The following B3GALT1 variants were observed in gnomAD, a reference collection of about 807,000 sequenced individuals.
B3GALT1 encodes the protein beta-1,3-galactosyltransferase 1.
In B3GALT1, 10 loss-of-function variants were observed where a neutral mutation model predicts 23.2. The ratio of observed to expected loss-of-function variants is 0.43; its 90% confidence interval spans 0.27 to 0.73. The LOEUF is 0.73. B3GALT1 is among the 30% of genes least tolerant of loss of function. The probability of loss-of-function intolerance (pLI) is 0.21; values close to 1 mark genes in which losing one functional copy is unlikely to be tolerated. For synonymous variants in B3GALT1, 156 were observed against 141.5 expected (o/e 1.10, Z -0.73); for missense variants, 299 against 405.4 (o/e 0.74, Z 2.25).
intron 3 of B3GALT1, among the ~76,000 whole-genome samples, chr2:167,816,271 C>G (rs1324992090): frequency 1.3e-5 from 2 of 152,170 alleles, no homozygotes; most frequent in Non-Finnish European, 2.9e-5. Flanking sequence ...AAAGGACACC[C>G]TCCTTTCCTG....
At chr2:167,696,476 A>G (rs1686794055) in intron 3 of B3GALT1, among the ~76,000 whole-genome samples, 1 of 152,058 alleles carries the variant, frequency 6.6e-6, no homozygotes, top group Admixed American at 6.6e-5. Flanking sequence ...ACCCTCAAGG[A>G]ATGCCTTGTC....
At chr2:167,463,849 T>C (rs527822614) in intron 1 of B3GALT1, among the ~76,000 whole-genome samples, 18 of 152,286 alleles carry the variant, frequency 1.2e-4, no homozygotes, top group African/African-American at 4.1e-4. Context: ...GTATGGTAAT[T>C]CATTGAAATT....
chr2:167,603,634 A>G (rs1019850847), intron 2 of B3GALT1, among the ~76,000 whole-genome samples: 3 of 152,244 alleles, frequency 2.0e-5, no homozygotes, highest in Non-Finnish European at 4.4e-5. Flanking sequence ...ACTAATTGTT[A>G]GAACTGCTTC....
intron 2 of B3GALT1, among the ~76,000 whole-genome samples, chr2:167,588,950 C>CT (rs1443875863): frequency 7.3e-5 from 10 of 137,926 alleles, no homozygotes; most frequent in South Asian, 2.3e-4. Context: ...TTCTTCCCTC[C>CT]TTGTTTTTTA....
chr2:167,648,245 A>G (rs915779084), intron 3 of B3GALT1, among the ~76,000 whole-genome samples: 2 of 152,156 alleles, frequency 1.3e-5, no homozygotes, highest in African/African-American at 4.8e-5. Flanking sequence ...TTATCATATG[A>G]TAACCTTGCT....
chr2:167,535,252 A>G (rs1369705643), intron 2 of B3GALT1, among the ~76,000 whole-genome samples: 5 of 152,264 alleles, frequency 3.3e-5, no homozygotes, highest in Admixed American at 1.3e-4. Flanking sequence ...TGAGTGTGCA[A>G]TAAGGCTGAG....
chr2:167,388,485 C>T (rs1180150061), intron 1 of B3GALT1, among the ~76,000 whole-genome samples: 1 of 152,120 alleles, frequency 6.6e-6, no homozygotes, highest in Non-Finnish European at 1.5e-5. Flanking sequence ...GGGCCTCACT[C>T]AAGTTCTTTT....
intron 2 of B3GALT1, among the ~76,000 whole-genome samples, chr2:167,494,743 T>C (rs1464024580): frequency 6.6e-6 from 1 of 152,194 alleles, no homozygotes; most frequent in Non-Finnish European, 1.5e-5. Context: ...GAAAGGTGTT[T>C]TGAGATTTCT....
intron 3 of B3GALT1, among the ~76,000 whole-genome samples, chr2:167,682,775 C>T (rs1286421604): frequency 1.3e-5 from 2 of 152,232 alleles, no homozygotes. Context: ...AGATAGGAAT[C>T]TATGTCCCTA....
At chr2:167,665,898 C>G (rs564471183) in intron 3 of B3GALT1, among the ~76,000 whole-genome samples, 2 of 151,242 alleles carry the variant, frequency 1.3e-5, no homozygotes, top group Admixed American at 1.3e-4. Context: ...TTTTGTTGAT[C>G]CTTTCAGAAA....
chr2:167,382,400 A>T (rs751217786), intron 1 of B3GALT1, among the ~76,000 whole-genome samples: 1 of 150,944 alleles, frequency 6.6e-6, no homozygotes, highest in Non-Finnish European at 1.5e-5. Context: ...GATGTTGCTT[A>T]TGGTTAAAAA....
intron 2 of B3GALT1, among the ~76,000 whole-genome samples, chr2:167,561,231 AC>A (rs1683981272): frequency 6.6e-6 from 1 of 152,226 alleles, no homozygotes; most frequent in Non-Finnish European, 1.5e-5. Context: ...ATGAAGGCAG[AC>A]ATAAAGATGT....
chr2:167,775,046 A>G (rs1001521697), intron 3 of B3GALT1, among the ~76,000 whole-genome samples: 5 of 152,214 alleles, frequency 3.3e-5, no homozygotes, highest in African/African-American at 7.2e-5. Flanking sequence ...CCCCTTGGAA[A>G]GTCATTAAAA....
intron 3 of B3GALT1, among the ~76,000 whole-genome samples, chr2:167,801,297 G>A (rs1387569337): frequency 6.6e-6 from 1 of 152,102 alleles, no homozygotes; most frequent in Non-Finnish European, 1.5e-5. Context: ...GAATGAATAA[G>A]AGAAATCATT....
intron 3 of B3GALT1, among the ~76,000 whole-genome samples, chr2:167,683,884 T>G (rs955659021): frequency 3.3e-5 from 5 of 152,202 alleles, no homozygotes; most frequent in Non-Finnish European, 7.3e-5. Context: ...TTTGGCCCTG[T>G]TGGATGGCAA....
chr2:167,785,881 G>T (rs1270674386), intron 3 of B3GALT1, among the ~76,000 whole-genome samples: 1 of 152,162 alleles, frequency 6.6e-6, no homozygotes, highest in East Asian at 1.9e-4. Context: ...TCTGTTGGAG[G>T]TTGACAAAGC....
intron 1 of B3GALT1, among the ~76,000 whole-genome samples, chr2:167,470,437 A>G (rs1329921659): frequency 6.6e-6 from 1 of 152,204 alleles, no homozygotes; most frequent in Non-Finnish European, 1.5e-5. Context: ...ATAATACAAA[A>G]CATATTGTAA....
Position 167,780,277 on chromosome 2 carries a change from C to A in B3GALT1, c.-351-38395C>A, listed in dbSNP as rs151264491. Among the ~76,000 whole-genome samples the A allele has an allele frequency of 1.9e-3, 294 of 152,244 alleles. 1 individual carries two copies. The highest frequency in any genetic ancestry group is 6.6e-3 in the African/African-American group (274 of 41,554). ...AATGTTTTAGATTGGAGCTTCCAAGCTGGTATGCTGAGAGATTGAACTCTC... is the reference window on the plus strand; with the variant it reads ...AATGTTTTAGATTGGAGCTTCCAAGATGGTATGCTGAGAGATTGAACTCTC... On this transcript the variant is annotated intron_variant, in intron 3 of 4. Coordinates refer to ENST00000392690, the MANE Select transcript of B3GALT1 (RefSeq NM_020981.4).
intron 1 of B3GALT1, among the ~76,000 whole-genome samples, chr2:167,348,469 C>T (rs962245095): frequency 6.6e-6 from 1 of 152,022 alleles, no homozygotes; most frequent in Admixed American, 6.6e-5. Context: ...AAAGTCAGGG[C>T]TTAAGATTTG....
Sources: gnomAD v4.1 joint callset for allele counts (sites outside exome capture counted in the v4.1 genomes callset) on GRCh38, gnomAD v4.1.1 for gene constraint, MANE v1.5 for transcripts, NCBI Gene and HGNC (gene_info 2026-07-23, HGNC 2026-07-21) for gene names.